C3orf33: variants seen among roughly 807,000 people sequenced by gnomAD.
C3orf33 encodes mitochondrial inner membrane subdomain organizer 1.
In C3orf33, 23 loss-of-function variants were observed where a neutral mutation model predicts 28.7. The ratio of observed to expected loss-of-function variants is 0.80; its 90% CI spans 0.58 to 1.13. The LOEUF (loss-of-function observed/expected upper bound fraction) is 1.13, where lower values mean the gene tolerates loss of function less well. Ranked by LOEUF, C3orf33 falls within the 50% of genes most tolerant of loss-of-function variation. The probability of loss-of-function intolerance (pLI) is 0.00; values close to 1 mark genes in which losing one functional copy is unlikely to be tolerated. For missense variants in C3orf33, 327 were observed against 353.4 expected, an observed-to-expected ratio of 0.93 and a Z score of 0.60; for synonymous variants, 119 against 120.5, an observed-to-expected ratio of 0.99 and a Z score of 0.08.
intron 2 of C3orf33, among the ~76,000 whole-genome samples, chr3:155,786,097 A>G (rs956427029): frequency 1.3e-5 from 2 of 151,050 alleles, no homozygotes; most frequent in South Asian, 4.3e-4. Flanking sequence ...AAGGAAAGGA[A>G]AAAGGGAAGG....
intron 2 of C3orf33, among the ~76,000 whole-genome samples, chr3:155,787,197 C>G (rs1365429902): frequency 1.3e-5 from 2 of 152,108 alleles, no homozygotes; most frequent in Non-Finnish European, 2.9e-5. Context: ...AAACCAGATT[C>G]AGCCACTCTT....
At chr3:155,773,601 C>T (rs891322241) in intron 3 of C3orf33, among the ~76,000 whole-genome samples, 4 of 152,176 alleles carry the variant, frequency 2.6e-5, no homozygotes, top group African/African-American at 9.6e-5. Flanking sequence ...TACCAAATTA[C>T]ATAAATACTT....
intron 2 of C3orf33, among the ~76,000 whole-genome samples, chr3:155,785,919 A>T (rs1423151368): frequency 1.3e-5 from 2 of 152,090 alleles, no homozygotes; most frequent in Non-Finnish European, 2.9e-5. Flanking sequence ...ACACACCTGT[A>T]GTCCTAGCTG....
At chr3:155,778,064 C>T (rs149813079) in intron 2 of C3orf33, among the ~76,000 whole-genome samples, 4,637 of 138,180 alleles carry the variant, frequency 0.034, 84 homozygotes, top group Middle Eastern at 0.14. Flanking sequence ...GCAGGAGAAT[C>T]GCTTGAACCT....
chr3:155,763,888 C>A lies in C3orf33; in HGVS notation c.514G>T (p.Glu172Ter), dbSNP rs1314264927. The change falls in exon 5 of 5, where the codon GAA becomes TAA. Residue 172 changes from glutamate to a stop codon, truncating the protein, a stop_gained. Coordinates refer to ENST00000340171, the MANE Select transcript of C3orf33 (RefSeq NM_001308229.2). LOFTEE classifies it high-confidence loss of function. ...TTGCCAAGGCCTCTTCTCAAAATTT[C>A]TTCATTCAGATTCACGCTGAAATAT... The part of the protein sequence containing the change: ...GGYFSVNLNE[E>*]ILRRGLGKTV... 2.0e-6 allele frequency: 3 copies of A among 1,489,966 alleles called. No homozygotes were observed. In the South Asian group the frequency reaches 4.3e-5, roughly 21 times the overall value. The allele number at this position is 1,489,966 out of a possible 1,614,324, so 92.3% of individuals were successfully genotyped here.
chr3:155,788,180 G>C (rs1443943187), intron 2 of C3orf33, among the ~76,000 whole-genome samples: 1 of 143,320 alleles, frequency 7.0e-6, no homozygotes, highest in African/African-American at 2.5e-5. Context: ...GACAGAGCGA[G>C]ACTCCGTCTC....
At chr3:155,801,317 A>G (rs1751642387) in intron 2 of C3orf33, among the ~76,000 whole-genome samples, 1 of 34,336 alleles carries the variant, frequency 2.9e-5, no homozygotes, top group South Asian at 6.3e-4. Flanking sequence ...TCCAAAAAAA[A>G]AAAAAAAAAA....
At chr3:155,770,364 A>G (rs1432703689) in intron 3 of C3orf33, among the ~76,000 whole-genome samples, 4 of 152,218 alleles carry the variant, frequency 2.6e-5, no homozygotes, top group African/African-American at 9.6e-5. Context: ...AGCAAGGTCC[A>G]GGCAGGGGCA....
intron 2 of C3orf33, among the ~76,000 whole-genome samples, chr3:155,783,325 T>C (rs962260482): frequency 2.6e-5 from 4 of 152,076 alleles, no homozygotes. Flanking sequence ...CAGCTACTTT[T>C]TGTATTTTTA....
At chr3:155,799,922 G>A (rs1751591275) in intron 2 of C3orf33, among the ~76,000 whole-genome samples, 1 of 152,052 alleles carries the variant, frequency 6.6e-6, no homozygotes, top group African/African-American at 2.4e-5. Flanking sequence ...CCTGGGAAGG[G>A]TAGCTGGGGA....
chr3:155,783,453 C>A (rs442774), intron 2 of C3orf33, among the ~76,000 whole-genome samples: 34,538 of 148,418 alleles, frequency 0.23, 4,717 homozygotes, highest in East Asian at 0.54. Context: ...CCGCACCCAG[C>A]AAACCTGTAC....
At chr3:155,777,092 A>C (rs577597270) in intron 2 of C3orf33, among the ~76,000 whole-genome samples, 1 of 152,030 alleles carries the variant, frequency 6.6e-6, no homozygotes, top group Admixed American at 6.6e-5. Context: ...CCGAGGCGGG[A>C]GGATCACCTG....
chr3:155,767,390 G>A (rs943158234), intron 4 of C3orf33, 119 bp downstream of exon 4: 4 of 653,358 alleles, frequency 6.1e-6, no homozygotes, highest in African/African-American at 1.9e-5. Flanking sequence ...ATCAGTAGCA[G>A]TTTAAAAGGC....
chr3:155,763,934 A>G lies in C3orf33; in HGVS notation c.484-16T>C. 1 of 1,361,514 alleles carries G rather than the reference A, an allele frequency of 7.3e-7. No homozygotes were observed. Among genetic ancestry groups the G allele is most frequent in the Non-Finnish European group, 9.5e-7 (1 of 1,050,192 alleles). 84.3% of individuals were successfully genotyped at this position (1,361,514 alleles called of 1,614,324 possible). On this transcript the variant is annotated splice_polypyrimidine_tract_variant and intron_variant, in intron 4 of 4. Transcript: ENST00000340171. The stretch of plus-strand genomic sequence containing the variant: ...AATATCCACCCTTGAATTTAAAAAT[A>G]ATACAAACCAATTATTTAAGATAAT...
chr3:155,775,309 G>C (rs551620461), intron 3 of C3orf33, among the ~76,000 whole-genome samples: 1 of 152,120 alleles, frequency 6.6e-6, no homozygotes, highest in Non-Finnish European at 1.5e-5. Context: ...GACCAACATG[G>C]AGAAACCCCA....
Position 155,763,704 on chromosome 3 carries a change from C to T in C3orf33, c.698G>A (p.Trp233Ter), listed in dbSNP as rs1750308230. The change falls in exon 5 of 5, where the codon TGG becomes TAG. Residue 233 changes from tryptophan (W) to a stop codon, truncating the protein, a stop_gained. Coordinates refer to ENST00000340171, the MANE Select transcript of C3orf33 (RefSeq NM_001308229.2). LOFTEE classifies it high-confidence loss of function. ...ACTGTCCTTTTTCCATATTTCTCTC[C>T]AGGAATCTTTGAATTTTTCTAAGTA... ...ESYLEKFKDSWREIWKKDSFL... is the reference protein window; with the variant it reads ...ESYLEKFKDS The T allele has an allele frequency of 6.3e-7, 1 of 1,594,784 alleles. No homozygotes were observed. Among genetic ancestry groups the T allele is most frequent in the African/African-American group, 1.4e-5 (1 of 73,488 alleles).
chr3:155,803,614 C>G (rs1030203730), intron 1 of C3orf33, among the ~76,000 whole-genome samples: 6 of 149,572 alleles, frequency 4.0e-5, no homozygotes, highest in African/African-American at 1.5e-4. Flanking sequence ...GGTGTGGTGC[C>G]TCACGCCTGT....
chr3:155,802,398 C>A (rs180687575), intron 2 of C3orf33, 134 bp downstream of exon 2: 2 of 624,354 alleles, frequency 3.2e-6, no homozygotes, highest in African/African-American at 1.9e-5. Context: ...AAAATATGTT[C>A]ATTGTTCTAA....
intron 2 of C3orf33, among the ~76,000 whole-genome samples, chr3:155,777,312 CTAAAAAAAAAAT>C (rs910696647): frequency 3.2e-4 from 48 of 149,810 alleles, no homozygotes; most frequent in African/African-American, 1.2e-3. Context: ...GAAACTCTGT[CTAAAAAAAAAAT>C]TAAAAAAAAA....
Sources: gnomAD v4.1 joint callset for allele counts (sites outside exome capture counted in the v4.1 genomes callset) on GRCh38, gnomAD v4.1.1 for gene constraint, MANE v1.5 for transcripts, NCBI Gene and HGNC (gene_info 2026-07-23, HGNC 2026-07-21) for gene names.